SIPA1L3: variants seen among roughly 807,000 people sequenced by gnomAD.
SIPA1L3 encodes signal induced proliferation associated 1 like 3.
In SIPA1L3, 59 loss-of-function variants were observed where a neutral mutation model predicts 150.1. The ratio of observed to expected loss-of-function variants is 0.39; its 90% CI spans 0.32 to 0.49. The LOEUF is 0.49. Among genes scored for constraint, SIPA1L3 ranks in the 20% least tolerant of loss-of-function variants. SIPA1L3 has a pLI of 0.86. For synonymous variants in SIPA1L3, 1,070 were observed against 1,077.6 expected, an observed-to-expected ratio of 0.99 and a Z score of 0.14; for missense variants, 2,211 against 2,489.5, an observed-to-expected ratio of 0.89 and a Z score of 2.38.
chr19:38,182,807 A>G (rs1887265066), intron 16 of SIPA1L3, 67 bp downstream of exon 16: 1 of 1,239,382 alleles, frequency 8.1e-7, no homozygotes, highest in African/African-American at 1.5e-5. Flanking sequence ...GGGCGGAAAG[A>G]GGGTGATGCC....
At chr19:38,176,950 G>A (rs973547325) in intron 15 of SIPA1L3, among the ~76,000 whole-genome samples, 5 of 151,690 alleles carry the variant, frequency 3.3e-5, no homozygotes, top group African/African-American at 9.7e-5. Context: ...CAGCCTGGGC[G>A]ACAAGAGTGA....
chr19:38,158,061 T>C (rs975021382), intron 13 of SIPA1L3, among the ~76,000 whole-genome samples: 1 of 152,044 alleles, frequency 6.6e-6, no homozygotes. Flanking sequence ...GCCAACATGG[T>C]GAAACCCCAT....
chr19:38,133,197 T>C (rs550368315), intron 10 of SIPA1L3, among the ~76,000 whole-genome samples: 7 of 152,278 alleles, frequency 4.6e-5, no homozygotes. Context: ...CAAGTGACAC[T>C]AGGGGCAAGC....
rs781743909 is a variant in SIPA1L3, at chr19:38,081,739, C to T, written c.174C>T (p.Thr58=). The T allele has an allele frequency of 7.5e-6, 12 of 1,594,556 alleles. No individual in the cohort carries two copies. The South Asian group carries it at 7.8e-5, about 10-fold the overall frequency. Residue 58 remains threonine, a synonymous_variant, in exon 3 of 22, where the codon ACC becomes ACT. Transcript: ENST00000222345. The stretch of plus-strand genomic sequence containing the variant: ...TTGGCGAGAGCCCGGCCACCGCCAC[C>T]GCCACCGCCACCGCCACCACCCGCC... ...QPLGESPATA[T]ATATATTRPS...
At chr19:38,174,886 A>G (rs1233934346) in intron 15 of SIPA1L3, among the ~76,000 whole-genome samples, 2 of 151,850 alleles carry the variant, frequency 1.3e-5, no homozygotes, top group Non-Finnish European at 2.9e-5. Context: ...AACTGAGACC[A>G]TGAGTTTAAA....
At chr19:37,912,605 C>G (rs1271018802) in intron 1 of SIPA1L3, among the ~76,000 whole-genome samples, 1 of 152,164 alleles carries the variant, frequency 6.6e-6, no homozygotes, top group Admixed American at 6.6e-5. Context: ...AAGTGATCCT[C>G]CCACCTCAGA....
chr19:37,962,087 C>G (rs117518160), intron 1 of SIPA1L3, among the ~76,000 whole-genome samples: 7 of 151,106 alleles, frequency 4.6e-5, no homozygotes, highest in Admixed American at 3.3e-4. Flanking sequence ...TTAACTGATT[C>G]ATTTCCTGAG....
At chr19:38,141,520 C>T (rs1478989066) in intron 11 of SIPA1L3, 85 bp downstream of exon 11, 1 of 1,379,760 alleles carries the variant, frequency 7.2e-7, no homozygotes, top group Non-Finnish European at 9.9e-7. Context: ...TCACTATTTC[C>T]TCCATCCTCT....
At chr19:38,106,709 A>C (rs1417124925) in intron 7 of SIPA1L3, 69 bp downstream of exon 7, 1 of 1,052,118 alleles carries the variant, frequency 9.5e-7, no homozygotes, top group African/African-American at 1.6e-5. Context: ...TGGCCCTCCC[A>C]GTTCTGTCCT....
At chr19:38,052,470 C>G (rs1969220308) in intron 2 of SIPA1L3, among the ~76,000 whole-genome samples, 1 of 152,214 alleles carries the variant, frequency 6.6e-6, no homozygotes, top group Non-Finnish European at 1.5e-5. Flanking sequence ...GGAGGACCAC[C>G]TGGCTTCTCA....
At chr19:37,925,506 T>C (rs1007230059) in intron 1 of SIPA1L3, among the ~76,000 whole-genome samples, 6 of 152,112 alleles carry the variant, frequency 3.9e-5, no homozygotes, top group Admixed American at 3.9e-4. Context: ...GAGGAGATAT[T>C]TGCAGATCTC....
chr19:38,121,426 A>T (rs934143798), intron 9 of SIPA1L3, among the ~76,000 whole-genome samples: 1 of 151,732 alleles, frequency 6.6e-6, no homozygotes, highest in African/African-American at 2.4e-5. Flanking sequence ...TGACAGTGCT[A>T]GACTCTGTCT....
intron 12 of SIPA1L3, among the ~76,000 whole-genome samples, chr19:38,143,747 C>G (rs1335450224): frequency 1.3e-5 from 2 of 151,980 alleles, no homozygotes; most frequent in African/African-American, 4.8e-5. Flanking sequence ...CCATGCTGGC[C>G]AGACTGGTCT....
intron 2 of SIPA1L3, among the ~76,000 whole-genome samples, chr19:38,041,898 A>AT (rs1968934164): frequency 6.6e-6 from 1 of 152,012 alleles, no homozygotes; most frequent in South Asian, 2.1e-4. Context: ...TTACTTGGTT[A>AT]TTTTTTTCTA....
At chr19:38,151,750 C>T (rs1195130479) in intron 12 of SIPA1L3, among the ~76,000 whole-genome samples, 1 of 151,998 alleles carries the variant, frequency 6.6e-6, no homozygotes, top group Non-Finnish European at 1.5e-5. Flanking sequence ...ATCGCTTGGG[C>T]CCAGGAGTTC....
chr19:37,957,445 C>G (rs1261590435), intron 1 of SIPA1L3, among the ~76,000 whole-genome samples: 1 of 152,108 alleles, frequency 6.6e-6, no homozygotes, highest in African/African-American at 2.4e-5. Flanking sequence ...TCTTTAATTT[C>G]TTTCAGCTTT....
At chr19:37,992,657 A>G (rs1967538370) in intron 1 of SIPA1L3, among the ~76,000 whole-genome samples, 1 of 152,078 alleles carries the variant, frequency 6.6e-6, no homozygotes, top group Non-Finnish European at 1.5e-5. Context: ...TCTTAAAAAA[A>G]AAAAAAAAAA....
chr19:38,111,995 C>A lies in SIPA1L3; in HGVS notation c.2291+1611C>A, dbSNP rs369668336. Among the ~76,000 whole-genome samples, 522 of 140,026 alleles carry A rather than the reference C, an allele frequency of 3.7e-3. 8 individuals carry two copies. Among genetic ancestry groups the A allele is most frequent in the African/African-American group, 0.013 (473 of 36,160 alleles). 91.9% of individuals were successfully genotyped at this position (140,026 alleles called of 152,430 possible). ...CACACACATGCACACAGGCACACAC[C>A]TGCACACAGGCACACACATGCACAC... On this transcript the variant is annotated intron_variant, in intron 8 of 21. Coordinates refer to ENST00000222345, the MANE Select transcript of SIPA1L3 (RefSeq NM_015073.3).
chr19:38,175,849 C>A (rs1600172225), intron 15 of SIPA1L3, among the ~76,000 whole-genome samples: 1 of 152,162 alleles, frequency 6.6e-6, no homozygotes, highest in South Asian at 2.1e-4. Context: ...CACTATGCTG[C>A]CCCAGTTTTC....
Sources: allele counts gnomAD v4.1 joint callset (sites outside exome capture counted in the v4.1 genomes callset), GRCh38; gene constraint gnomAD v4.1.1; transcripts MANE v1.5; gene names NCBI Gene and HGNC (gene_info 2026-07-23, HGNC 2026-07-21).